Variants in CSMD1 observed in about 807,000 individuals in gnomAD.
The protein encoded by CSMD1 is CUB and sushi domain-containing protein 1.
Under a neutral mutation model 417.5 loss-of-function variants are expected in CSMD1, and 213 were observed. The observed-to-expected ratio is 0.51, with a 90% CI of 0.46 to 0.57. CSMD1 has a LOEUF of 0.57. Among genes scored for constraint, CSMD1 ranks in the 20% least tolerant of loss-of-function variants. CSMD1 has a pLI of 0.00. For missense variants in CSMD1, 6,923 were observed against 4,529.7 expected, an observed-to-expected ratio of 1.53 and a Z score of -15.17; for synonymous variants, 2,862 against 1,736.8, an observed-to-expected ratio of 1.65 and a Z score of -16.11.
intron 3 of CSMD1, among the ~76,000 whole-genome samples, chr8:4,405,967 C>G (rs1234928530): frequency 6.6e-6 from 1 of 152,192 alleles, no homozygotes; most frequent in Admixed American, 6.5e-5. Context: ...GTTCTGCTCG[C>G]CTGTCCTGTA....
chr8:3,660,668 C>T (rs1798370243), intron 7 of CSMD1, among the ~76,000 whole-genome samples: 1 of 151,658 alleles, frequency 6.6e-6, no homozygotes, highest in Non-Finnish European at 1.5e-5. Context: ...TTACAGGGTC[C>T]CTCCACCACA....
chr8:4,863,409 C>T (rs1342491563), intron 1 of CSMD1, among the ~76,000 whole-genome samples: 1 of 152,018 alleles, frequency 6.6e-6, no homozygotes, highest in African/African-American at 2.4e-5. Flanking sequence ...TTTGGCCCTC[C>T]CCATGAGACT....
chr8:4,566,509 C>T lies in CSMD1; in HGVS notation c.302+70833G>A, dbSNP rs534033619. ...TCTACTAAAAATACAAAAAATTAGC[C>T]GGGCGTGGTGGCGGGCGCCTGCAGT... On this transcript the variant is annotated intron_variant, in intron 2 of 69. Coordinates refer to ENST00000635120, the MANE Select transcript of CSMD1 (RefSeq NM_033225.6). 6.6e-5 allele frequency among the ~76,000 whole-genome samples: 10 copies of T among 151,772 alleles called. No homozygotes were observed. In the East Asian group the frequency reaches 1.4e-3, roughly 21 times the overall value.
intron 1 of CSMD1, among the ~76,000 whole-genome samples, chr8:4,988,951 C>T (rs1279337710): frequency 1.3e-5 from 2 of 152,146 alleles, no homozygotes; most frequent in Admixed American, 6.5e-5. Flanking sequence ...CCGTTACTTA[C>T]CAACCTCAGT....
At chr8:4,535,552 T>C (rs1178319277) in intron 2 of CSMD1, among the ~76,000 whole-genome samples, 1 of 152,100 alleles carries the variant, frequency 6.6e-6, no homozygotes, top group Non-Finnish European at 1.5e-5. Context: ...CAGTAAGAGC[T>C]CTCCAAGTTA....
chr8:4,044,777 T>G (rs1040199428), intron 3 of CSMD1, among the ~76,000 whole-genome samples: 1 of 152,206 alleles, frequency 6.6e-6, no homozygotes, highest in Non-Finnish European at 1.5e-5. Context: ...ACCCTAGCCG[T>G]GTAGCACCCT....
chr8:4,044,337 A>G (rs1470051645), intron 3 of CSMD1, among the ~76,000 whole-genome samples: 1 of 152,190 alleles, frequency 6.6e-6, no homozygotes, highest in Non-Finnish European at 1.5e-5. Context: ...AAATAACACA[A>G]TGCAATTCTG....
intron 33 of CSMD1, among the ~76,000 whole-genome samples, chr8:3,197,601 G>T (rs1266059338): frequency 1.3e-5 from 2 of 151,770 alleles, no homozygotes; most frequent in African/African-American, 4.8e-5. Context: ...GAGTAGCTGG[G>T]ACTACAGGTG....
At chr8:4,152,720 C>T (rs1585432356) in intron 3 of CSMD1, among the ~76,000 whole-genome samples, 1 of 151,854 alleles carries the variant, frequency 6.6e-6, no homozygotes, top group East Asian at 1.9e-4. Context: ...TTTACATATA[C>T]ACACACACAA....
chr8:4,050,137 G>C (rs969144782), intron 3 of CSMD1, among the ~76,000 whole-genome samples: 2 of 152,114 alleles, frequency 1.3e-5, no homozygotes, highest in Admixed American at 6.5e-5. Context: ...AACACTTCTC[G>C]TCGCAGCATG....
At chr8:3,522,080 T>C (rs1385113043) in intron 10 of CSMD1, among the ~76,000 whole-genome samples, 10 of 152,234 alleles carry the variant, frequency 6.6e-5, no homozygotes, top group Admixed American at 2.0e-4. Flanking sequence ...ATTTGGGATG[T>C]TTATCTAAAT....
chr8:3,806,598 T>A (rs1800757141), intron 5 of CSMD1, among the ~76,000 whole-genome samples: 1 of 152,110 alleles, frequency 6.6e-6, no homozygotes, highest in Admixed American at 6.6e-5. Flanking sequence ...CTTCCCAGAG[T>A]AGTAGGAACA....
At chr8:4,542,595 A>T (rs896516951) in intron 2 of CSMD1, among the ~76,000 whole-genome samples, 1 of 152,160 alleles carries the variant, frequency 6.6e-6, no homozygotes, top group Non-Finnish European at 1.5e-5. Context: ...TGCTAACGCA[A>T]TTTTTTTCAA....
chr8:4,438,378 C>T (rs1311595551), intron 2 of CSMD1, among the ~76,000 whole-genome samples: 4 of 152,144 alleles, frequency 2.6e-5, no homozygotes, highest in Non-Finnish European at 5.9e-5. Flanking sequence ...CTGGAGCATG[C>T]AGCTTAATTA....
At chr8:4,949,127 T>G (rs1808563867) in intron 1 of CSMD1, among the ~76,000 whole-genome samples, 1 of 152,140 alleles carries the variant, frequency 6.6e-6, no homozygotes, top group Admixed American at 6.6e-5. Flanking sequence ...GTAAAGGTTT[T>G]CTGATGTTAA....
intron 3 of CSMD1, among the ~76,000 whole-genome samples, chr8:4,343,951 T>C (rs1282461305): frequency 6.6e-6 from 1 of 152,154 alleles, no homozygotes; most frequent in African/African-American, 2.4e-5. Flanking sequence ...TTATAATAAG[T>C]ATTTTCATAT....
intron 3 of CSMD1, among the ~76,000 whole-genome samples, chr8:4,261,359 C>G (rs772334103): frequency 5.9e-5 from 9 of 152,046 alleles, no homozygotes; most frequent in Non-Finnish European, 1.2e-4. Flanking sequence ...CTAAGAACAT[C>G]TTCTCAGAAA....
rs187074833 is a variant in CSMD1, at chr8:4,274,017, T to C, written c.415+145936A>G. 2.1e-3 allele frequency among the ~76,000 whole-genome samples: 327 copies of C among 152,282 alleles called. 3 individuals are homozygous for C. The highest frequency in any genetic ancestry group is 7.5e-3 in the African/African-American group (313 of 41,570). On this transcript the variant is annotated intron_variant, in intron 3 of 69. Transcript: ENST00000635120. The stretch of plus-strand genomic sequence containing the variant: ...TAACCGCATGCATTTTTTCAGCATA[T>C]TCTATGTCACTTAAAATAAATGCAG...
Position 3,276,673 on chromosome 8 carries a change from A to C in CSMD1, c.4153+7471T>G, listed in dbSNP as rs559263023. ...CCGTATCATTATTAAAATAGCAGTT[A>C]CATATTTATTAAAGGCTTTACTATG... On this transcript the variant is annotated intron_variant, in intron 26 of 69. Coordinates refer to ENST00000635120, the MANE Select transcript of CSMD1 (RefSeq NM_033225.6). 7.9e-5 allele frequency among the ~76,000 whole-genome samples: 12 copies of C among 152,278 alleles called. No individual in the cohort carries two copies. The East Asian group carries it at 1.6e-3, about 20-fold the overall frequency.
Sources: allele counts gnomAD v4.1 joint callset (sites outside exome capture counted in the v4.1 genomes callset), GRCh38; gene constraint gnomAD v4.1.1; transcripts MANE v1.5; gene names NCBI Gene and HGNC (gene_info 2026-07-23, HGNC 2026-07-21).